The following UBTD1 variants were observed in gnomAD, a reference collection of about 807,000 sequenced individuals.
The protein encoded by UBTD1 is ubiquitin domain-containing protein 1.
Under a neutral mutation model 21.7 loss-of-function variants are expected in UBTD1, and 19 were observed. The ratio of observed to expected loss-of-function variants is 0.87; its 90% CI spans 0.61 to 1.28. The LOEUF (loss-of-function observed/expected upper bound fraction) is 1.28. Among genes scored for constraint, UBTD1 ranks in the 50% most tolerant of loss-of-function variants. The probability of loss-of-function intolerance (pLI) is 0.00; values close to 1 mark genes in which losing one functional copy is unlikely to be tolerated. For missense variants in UBTD1, 282 were observed against 315.1 expected, an observed-to-expected ratio of 0.89 and a Z score of 0.80; for synonymous variants, 116 against 135.1, an observed-to-expected ratio of 0.86 and a Z score of 0.98.
chr10:97,557,262 T>C (rs2040668790), intron 1 of UBTD1, among the ~76,000 whole-genome samples: 1 of 152,226 alleles, frequency 6.6e-6, no homozygotes, highest in African/African-American at 2.4e-5. Context: ...GAAATACTGT[T>C]TCTGGAGAGC....
chr10:97,519,403 C>T (rs7923541), intron 1 of UBTD1, among the ~76,000 whole-genome samples: 69,346 of 152,026 alleles, frequency 0.46, 16,095 homozygotes, highest in South Asian at 0.61. Context: ...TTTTCTCTGA[C>T]GATCTTTCCA....
At chr10:97,544,509 C>G (rs1484168935) in intron 1 of UBTD1, among the ~76,000 whole-genome samples, 1 of 152,180 alleles carries the variant, frequency 6.6e-6, no homozygotes, top group Non-Finnish European at 1.5e-5. Flanking sequence ...GTTAGGAATG[C>G]TGACCCCCAT....
intron 1 of UBTD1, among the ~76,000 whole-genome samples, chr10:97,559,481 T>C (rs531859610): frequency 1.1e-4 from 16 of 152,372 alleles, no homozygotes; most frequent in African/African-American, 3.8e-4. Context: ...ATGTTTCCTT[T>C]AGCACCAATT....
At chr10:97,502,105 G>T (rs1349805837) in intron 1 of UBTD1, among the ~76,000 whole-genome samples, 1 of 152,082 alleles carries the variant, frequency 6.6e-6, no homozygotes, top group Admixed American at 6.5e-5. Flanking sequence ...ACAATGAGTT[G>T]TACAGAAGTA....
chr10:97,559,218 A>G (rs2040680180), intron 1 of UBTD1, among the ~76,000 whole-genome samples: 1 of 152,164 alleles, frequency 6.6e-6, no homozygotes, highest in South Asian at 2.1e-4. Context: ...GGCATGACTT[A>G]TTACTCCAGG....
intron 1 of UBTD1, among the ~76,000 whole-genome samples, chr10:97,537,516 G>A (rs1394689817): frequency 6.6e-6 from 1 of 152,206 alleles, no homozygotes; most frequent in Non-Finnish European, 1.5e-5. Context: ...ATTGCAGAAG[G>A]AAACTGAGGC....
chr10:97,507,044 G>C (rs1331018571), intron 1 of UBTD1, among the ~76,000 whole-genome samples: 1 of 152,134 alleles, frequency 6.6e-6, no homozygotes, highest in African/African-American at 2.4e-5. Context: ...TATACCCAGA[G>C]GTGGAATTTC....
intron 1 of UBTD1, among the ~76,000 whole-genome samples, chr10:97,560,020 C>CT (rs1260551860): frequency 6.6e-6 from 1 of 151,986 alleles, no homozygotes; most frequent in African/African-American, 2.4e-5. Context: ...GGCCTTATTA[C>CT]TTTTAAATTA....
intron 1 of UBTD1, among the ~76,000 whole-genome samples, chr10:97,560,292 A>G (rs981666679): frequency 2.6e-5 from 4 of 152,196 alleles, no homozygotes; most frequent in Admixed American, 2.0e-4. Context: ...TAAGGCCACA[A>G]GATTAGAAGT....
At chr10:97,512,112 T>C (rs938017350) in intron 1 of UBTD1, among the ~76,000 whole-genome samples, 3 of 152,034 alleles carry the variant, frequency 2.0e-5, no homozygotes, top group Non-Finnish European at 4.4e-5. Flanking sequence ...CCTCAAGGAG[T>C]TCAGAGTGAC....
intron 1 of UBTD1, among the ~76,000 whole-genome samples, chr10:97,516,829 A>C (rs1172714777): frequency 6.6e-6 from 1 of 151,660 alleles, no homozygotes; most frequent in African/African-American, 2.4e-5. Context: ...TGCTGTGGAC[A>C]CTGGAGAGCA....
At chr10:97,532,216 C>G (rs1460543730) in intron 1 of UBTD1, among the ~76,000 whole-genome samples, 1 of 152,204 alleles carries the variant, frequency 6.6e-6, no homozygotes, top group Non-Finnish European at 1.5e-5. Context: ...CTGGAGCAAA[C>G]CAAGCAGTTG....
intron 1 of UBTD1, among the ~76,000 whole-genome samples, chr10:97,529,170 G>A (rs1482842326): frequency 6.6e-6 from 1 of 151,854 alleles, no homozygotes; most frequent in African/African-American, 2.4e-5. Flanking sequence ...ACGATGGGCG[G>A]CCGGGCAGAG....
intron 1 of UBTD1, among the ~76,000 whole-genome samples, chr10:97,520,808 G>C (rs7075656): frequency 0.54 from 81,673 of 151,996 alleles, 22,242 homozygotes; most frequent in South Asian, 0.68. Flanking sequence ...TTTCTGCCCT[G>C]TTGGGGTAAG....
Position 97,570,415 on chromosome 10 carries a change from C to T in UBTD1, c.576C>T (p.Phe192=). ...TCGAGCCATCGTGGCAGCGGTGGTT[C>T]TTCTCCGGGAAGCTGCTCACAGACC... is the stretch of plus-strand genomic sequence containing the variant. The part of the protein sequence containing the change: ...EGIEPSWQRW[F]FSGKLLTDRT... The change falls in exon 3 of 3, where the codon TTC becomes TTT. Residue 192 remains phenylalanine (F), a synonymous_variant. Coordinates refer to ENST00000370664, the MANE Select transcript of UBTD1 (RefSeq NM_024954.5). This position sits in a 1 kb window ranked among gnomAD's most constrained non-coding sequence, Gnocchi z 6.6. The T allele has an allele frequency of 3.1e-6, 5 of 1,613,344 alleles. No homozygotes were observed. Among genetic ancestry groups the T allele is most frequent in the Non-Finnish European group, 4.2e-6 (5 of 1,180,008 alleles).
chr10:97,505,818 A>G (rs923155401), intron 1 of UBTD1, among the ~76,000 whole-genome samples: 1 of 152,184 alleles, frequency 6.6e-6, no homozygotes, highest in Non-Finnish European at 1.5e-5. Context: ...GAAAGTTTCT[A>G]TTATTCCAAG....
chr10:97,566,286 TAAAACTA>T, intron 1 of UBTD1, among the ~76,000 whole-genome samples: 1 of 137,790 alleles, frequency 7.3e-6, no homozygotes, highest in Admixed American at 7.3e-5. Flanking sequence ...TTTTTTTTTT[TAAAACTA>T]TTACCTTATT....
chr10:97,545,406 G>GTGTGTT (rs2040605644), intron 1 of UBTD1, among the ~76,000 whole-genome samples: 1 of 72,222 alleles, frequency 1.4e-5, no homozygotes, highest in South Asian at 5.8e-4. Flanking sequence ...GTGTGTGTGT[G>GTGTGTT]TGTGGGTGTG....
chr10:97,524,426 G>T (rs1018067368), intron 1 of UBTD1, among the ~76,000 whole-genome samples: 4 of 152,044 alleles, frequency 2.6e-5, no homozygotes, highest in African/African-American at 4.8e-5. Context: ...ACCCTGACTG[G>T]CACACCTCCT....
Sources: gnomAD v4.1 joint callset for allele counts (sites outside exome capture counted in the v4.1 genomes callset) on GRCh38, gnomAD v4.1.1 for gene constraint, Gnocchi (gnomAD v3.1) non-coding constraint, MANE v1.5 for transcripts, NCBI Gene and HGNC (gene_info 2026-07-23, HGNC 2026-07-21) for gene names.